The following ZNF343 variants were observed in gnomAD, a reference collection of about 807,000 sequenced individuals.
ZNF343 encodes zinc finger protein 343.
Under a neutral mutation model 13.8 loss-of-function variants are expected in ZNF343, and 11 were observed. That is an observed-to-expected ratio of 0.80 (90% CI 0.50 to 1.32). ZNF343 has a LOEUF of 1.32. Among genes scored for constraint, ZNF343 ranks in the 40% most tolerant of loss-of-function variants. ZNF343 has a pLI of 0.00. For missense variants in ZNF343, 658 were observed against 714.2 expected (o/e 0.92, Z 0.90); for synonymous variants, 248 against 260.0 (o/e 0.95, Z 0.44).
intron 5 of ZNF343, among the ~76,000 whole-genome samples, chr20:2,487,928 A>C (rs1348921923): frequency 2.0e-5 from 3 of 152,226 alleles, no homozygotes; most frequent in Non-Finnish European, 2.9e-5. Flanking sequence ...ACCTTTTCAA[A>C]CATTTAAGGG....
intron 1 of ZNF343, among the ~76,000 whole-genome samples, chr20:2,506,714 A>C (rs940630052): frequency 4.6e-5 from 7 of 152,078 alleles, no homozygotes; most frequent in African/African-American, 1.7e-4. Flanking sequence ...CAAACACCAC[A>C]TGTTCTCACT....
At chr20:2,516,076 T>C (rs776855899) in intron 1 of ZNF343, among the ~76,000 whole-genome samples, 11 of 151,730 alleles carry the variant, frequency 7.2e-5, no homozygotes, top group Non-Finnish European at 1.0e-4. Context: ...GAATGGGGGC[T>C]AGGGTGAGGG....
chr20:2,521,406 T>C (rs1003326154), intron 1 of ZNF343, among the ~76,000 whole-genome samples: 1 of 152,130 alleles, frequency 6.6e-6, no homozygotes, highest in Non-Finnish European at 1.5e-5. Flanking sequence ...CGGTGGACTT[T>C]TTATATTCTG....
chr20:2,485,049 G>C (rs530420717), intron 5 of ZNF343, among the ~76,000 whole-genome samples: 6 of 152,238 alleles, frequency 3.9e-5, no homozygotes, highest in Admixed American at 3.9e-4. Flanking sequence ...ATAAAAAAGG[G>C]TCTGATAGAC....
At position 2,518,980 on chromosome 20, in the gene ZNF343, G is replaced by A. The variant is rs558848911; in HGVS notation, c.-347+5475C>T. ...GCCCCCCTCTCTCTTTCCTGCCATC[G>A]TGTAAGACATGCCTTGCTTCCCCTT... On this transcript the variant is annotated intron_variant, in intron 1 of 6. Coordinates refer to the ZNF343 transcript ENST00000358413. The surrounding 1 kb of genome is among the most constrained non-coding windows in gnomAD (Gnocchi z 4.6). Among the ~76,000 whole-genome samples the A allele has an allele frequency of 1.9e-4, 29 of 152,226 alleles. No homozygotes were observed. In the East Asian group the frequency reaches 4.4e-3, roughly 23 times the overall value.
upstream of ZNF343, among the ~76,000 whole-genome samples, chr20:2,509,483 A>T (rs761646398): frequency 6.6e-6 from 1 of 152,098 alleles, no homozygotes; most frequent in Non-Finnish European, 1.5e-5. Flanking sequence ...AAAGTTAGGG[A>T]CAGACTCTCA....
chr20:2,513,054 T>C (rs1473689298), upstream of ZNF343, among the ~76,000 whole-genome samples: 1 of 152,026 alleles, frequency 6.6e-6, no homozygotes, highest in African/African-American at 2.4e-5. Flanking sequence ...GAGCCATGAT[T>C]GTACCACTGC....
rs781010440 is a variant in ZNF343 at position 2,483,407 on chromosome 20, C to T, written c.1554G>A (p.Glu518=). The change falls in exon 6 of 6, where the codon GAG becomes GAA. Residue 518 remains glutamate (E), a synonymous_variant. Coordinates refer to ENST00000278772, the MANE Select transcript of ZNF343 (RefSeq NM_024325.6). ...LIRHQRTHSN[E]KPYICRECGR... Reference sequence around the variant, plus strand: ...CACATTCCCTGCAAATATAAGGCTTCTCATTTGAGTGCGTCCTCTGGTGTC... The same window carrying T: ...CACATTCCCTGCAAATATAAGGCTTTTCATTTGAGTGCGTCCTCTGGTGTC... 4 of 1,612,270 alleles carry T rather than the reference C, an allele frequency of 2.5e-6. No homozygotes were observed. The African/African-American group carries it at 4.0e-5, about 16-fold the overall frequency.
In ZNF343 at chr20:2,483,740, C is replaced by T; in HGVS notation, c.1221G>A (p.Lys407=). ...RKHQRIHSGE[K]PYVCRECGRG... ...GCCCACACTCCCTGCAAACATAAGG[C>T]TTCTCCCCTGAGTGTATCCTCTGGT... Residue 407 remains lysine, a synonymous_variant, in exon 6 of 6, where the codon AAG becomes AAA. Coordinates refer to ENST00000278772, the MANE Select transcript of ZNF343 (RefSeq NM_024325.6). 1 of 1,614,140 alleles carries T rather than the reference C, an allele frequency of 6.2e-7. No individual in the cohort carries two copies. The highest frequency in any genetic ancestry group is 8.5e-7 in the Non-Finnish European group (1 of 1,179,996).
In ZNF343 at chr20:2,499,397, G is replaced by A. The variant is rs576416617; in HGVS notation, c.-150+1259C>T. ...GGAGAATGGCGTGAACCTGGGAGGC[G>A]GAGCTTGCAGTGAGCCGAGATCCCG... On this transcript the variant is annotated intron_variant, in intron 2 of 5. Coordinates refer to ENST00000278772, the MANE Select transcript of ZNF343 (RefSeq NM_024325.6). Among the ~76,000 whole-genome samples, 123 of 101,552 alleles carry A rather than the reference G, an allele frequency of 1.2e-3. 12 individuals are homozygous for A. The highest frequency in any genetic ancestry group is 3.3e-3 in the African/African-American group (91 of 27,326). 66.6% of individuals were successfully genotyped at this position (101,552 alleles called of 152,430 possible).
intron 1 of ZNF343, among the ~76,000 whole-genome samples, chr20:2,501,229 A>C (rs1363316581): frequency 6.6e-6 from 1 of 152,114 alleles, no homozygotes; most frequent in African/African-American, 2.4e-5. Context: ...GCAGTCTGAG[A>C]TCAAACTGCA....
chr20:2,485,304 T>A (rs1168315762), intron 5 of ZNF343, among the ~76,000 whole-genome samples: 1 of 152,220 alleles, frequency 6.6e-6, no homozygotes, highest in African/African-American at 2.4e-5. Context: ...AAAATCTGCC[T>A]TTCTTTCCAC....
intron 2 of ZNF343, among the ~76,000 whole-genome samples, chr20:2,499,877 G>C (rs150158037): frequency 5.9e-5 from 9 of 152,302 alleles, no homozygotes; most frequent in African/African-American, 2.2e-4. Flanking sequence ...ATTGTTAAGT[G>C]TGTACAGTTT....
chr20:2,499,464 CAAAAAAAAAAAAAAAA>C (rs35155995), intron 2 of ZNF343, among the ~76,000 whole-genome samples: 1 of 66,538 alleles, frequency 1.5e-5, no homozygotes, highest in African/African-American at 6.1e-5. Flanking sequence ...GACTCCGTCT[CAAAAAAAAAAAAAAAA>C]AAAAAAAAAA....
Position 2,482,025 on chromosome 20 carries a change from T to G in ZNF343, c.*1136A>C, listed in dbSNP as rs1291315416. On this transcript the variant is annotated 3_prime_UTR_variant, in exon 6 of 6. Transcript: ENST00000278772. Reference sequence around the variant, plus strand: ...CTCCTAAGTCAGTTGAGGAGTGACATCGGGATGAAGCTCCACCCACAAGCC... The same window carrying G: ...CTCCTAAGTCAGTTGAGGAGTGACAGCGGGATGAAGCTCCACCCACAAGCC... The G allele has an allele frequency of 6.6e-6, 1 of 152,132 alleles. No homozygotes were observed. Among genetic ancestry groups the G allele is most frequent in the Non-Finnish European group, 1.5e-5 (1 of 68,034 alleles). The allele number at this position is 152,132 out of a possible 1,614,324, so 9.4% of individuals were successfully genotyped here. A position where few individuals can be genotyped will look rare whatever the true frequency, so the allele number is the denominator to read the frequency against.
intron 1 of ZNF343, among the ~76,000 whole-genome samples, chr20:2,501,348 G>GGCCT (rs1250055124): frequency 1.3e-5 from 2 of 152,210 alleles, no homozygotes; most frequent in Admixed American, 6.5e-5. Flanking sequence ...AGCTCAAGGA[G>GGCCT]GCCTGCCTGC....
At chr20:2,506,786 G>A (rs1294168000) in intron 1 of ZNF343, among the ~76,000 whole-genome samples, 3 of 152,050 alleles carry the variant, frequency 2.0e-5, no homozygotes, top group African/African-American at 7.2e-5. Flanking sequence ...CACACCCCGG[G>A]GCCTGTTGTG....
chr20:2,488,942 G>A (rs2085323304), intron 5 of ZNF343, among the ~76,000 whole-genome samples: 1 of 152,150 alleles, frequency 6.6e-6, no homozygotes, highest in Admixed American at 6.5e-5. Context: ...CTACTAGGAA[G>A]GTTGAGGTGG....
In ZNF343 at chr20:2,499,847, C is replaced by G. The variant is rs529340563; in HGVS notation, c.-150+809G>C. Among the ~76,000 whole-genome samples the G allele has an allele frequency of 2.0e-5, 3 of 152,198 alleles. No homozygotes were observed. The East Asian group carries it at 5.8e-4, about 29-fold the overall frequency. Reference sequence around the variant, plus strand: ...CTTGCTGAATTCCAGATACTTCTCCCTCTTATAGTTCTTACCTGAATTGTT... The same window carrying G: ...CTTGCTGAATTCCAGATACTTCTCCGTCTTATAGTTCTTACCTGAATTGTT... On this transcript the variant is annotated intron_variant, in intron 2 of 5. Transcript: ENST00000278772.
Sources: gnomAD v4.1 joint callset for allele counts (sites outside exome capture counted in the v4.1 genomes callset) on GRCh38, gnomAD v4.1.1 for gene constraint, Gnocchi (gnomAD v3.1) non-coding constraint, MANE v1.5 for transcripts, NCBI Gene and HGNC (gene_info 2026-07-23, HGNC 2026-07-21) for gene names.